ABCA4: variants seen among roughly 807,000 people sequenced by gnomAD.
The protein encoded by ABCA4 is ATP binding cassette subfamily A member 4, also known as retinal-specific phospholipid-transporting ATPase ABCA4.
In ABCA4, 196 loss-of-function variants were observed where a neutral mutation model predicts 263.7. The observed-to-expected ratio is 0.74, with a 90% CI of 0.66 to 0.84. The LOEUF is 0.84. Ranked by LOEUF, ABCA4 falls within the 40% of genes least tolerant of loss-of-function variation. The pLI, the probability that ABCA4 is intolerant of heterozygous loss-of-function variation, is 0.00. For missense variants in ABCA4, 2,792 were observed against 2,855.1 expected, an observed-to-expected ratio of 0.98 and a Z score of 0.50; for synonymous variants, 1,133 against 1,094.2, an observed-to-expected ratio of 1.04 and a Z score of -0.70.
chr1:94,011,439 C>T (rs946469087), intron 38 of ABCA4, 54 bp from the exon 39 acceptor site: 2 of 1,610,580 alleles, frequency 1.2e-6, no homozygotes. Context: ...CCCCCCCTCT[C>T]TTCAGCAGGT....
At chr1:94,002,075 A>T in intron 44 of ABCA4, 83 bp from the exon 45 acceptor site, 1 of 1,597,418 alleles carries the variant, frequency 6.3e-7, no homozygotes, top group Non-Finnish European at 8.6e-7. Context: ...GGGCTCCCAG[A>T]TCTCACGCCT....
chr1:94,110,924 A>G (rs1314974624), intron 3 of ABCA4, among the ~76,000 whole-genome samples: 1 of 152,220 alleles, frequency 6.6e-6, no homozygotes, highest in East Asian at 1.9e-4. Context: ...GGCAATTATA[A>G]CAGAGGATTT....
At chr1:94,007,453 A>T (rs940200206) in intron 43 of ABCA4, among the ~76,000 whole-genome samples, 181 bp downstream of exon 43, 1 of 149,684 alleles carries the variant, frequency 6.7e-6, no homozygotes, top group South Asian at 2.1e-4. Context: ...AATTCAGTTC[A>T]CTTTTCCATT....
chr1:94,079,815 T>G (rs752024867), intron 8 of ABCA4, among the ~76,000 whole-genome samples: 37 of 152,304 alleles, frequency 2.4e-4, no homozygotes, highest in Middle Eastern at 3.4e-3. Context: ...GCTTGGAATC[T>G]CAGCTTGAGC....
intron 1 of ABCA4, among the ~76,000 whole-genome samples, chr1:94,116,569 G>A (rs1441022832): frequency 1.3e-5 from 2 of 152,060 alleles, no homozygotes; most frequent in African/African-American, 2.4e-5. Context: ...GGCGGGGGGC[G>A]GGGGCGGTTG....
At chr1:94,080,761 A>G in intron 7 of ABCA4, 43 bp from the exon 8 acceptor site, 1 of 1,613,826 alleles carries the variant, frequency 6.2e-7, no homozygotes, top group Admixed American at 1.7e-5. Flanking sequence ...AGGCAGCTAG[A>G]GTCATAATCT....
At chr1:94,116,972 T>C (rs1308010888) in intron 1 of ABCA4, among the ~76,000 whole-genome samples, 4 of 76,668 alleles carry the variant, frequency 5.2e-5, no homozygotes, top group African/African-American at 1.9e-4. Flanking sequence ...TTCTTTCTCT[T>C]TCTTTCTTTC....
rs1183504867 is a variant in ABCA4 at position 94,037,354 on chromosome 1, G to A, written c.3608-4C>T. On this transcript the variant is annotated splice_region_variant and splice_polypyrimidine_tract_variant and intron_variant, in intron 24 of 49. Transcript: ENST00000370225. ...TCCATCAGCTCATTTACATCCCCTA[G>A]GACAAGAAAAAAGACTGATGCCAGC... 1 of 1,613,716 alleles carries A rather than the reference G, an allele frequency of 6.2e-7. No homozygotes were observed. The highest frequency in any genetic ancestry group is 1.7e-5 in the Admixed American group (1 of 60,018).
At position 94,080,867 on chromosome 1, in the gene ABCA4, C is replaced by A; in HGVS notation, c.859-149G>T. On this transcript the variant is annotated intron_variant, in intron 7 of 49. Coordinates refer to ENST00000370225, the MANE Select transcript of ABCA4 (RefSeq NM_000350.3). ...CAATCCTTAATCCAGCTGCGAAAAACAAAAAACAAAACCTACTGCCATCTA... is the reference window on the plus strand; with the variant it reads ...CAATCCTTAATCCAGCTGCGAAAAAAAAAAAACAAAACCTACTGCCATCTA... 5.0e-6 allele frequency: 6 copies of A among 1,202,504 alleles called. No individual in the cohort carries two copies. The Admixed American group carries it at 6.5e-5, about 13-fold the overall frequency. 74.5% of individuals were successfully genotyped at this position (1,202,504 alleles called of 1,614,324 possible). A position where few individuals can be genotyped will look rare whatever the true frequency, so the allele number is the denominator to read the frequency against.
At chr1:94,065,140 A>G (rs1179063624) in intron 11 of ABCA4, among the ~76,000 whole-genome samples, 15 of 151,908 alleles carry the variant, frequency 9.9e-5, no homozygotes. Context: ...TCCCTCCCCA[A>G]TTTCACCTTC....
rs539582273 is a variant in ABCA4, at chr1:94,050,941, G to A, written c.2653+692C>T. Among the ~76,000 whole-genome samples the A allele has an allele frequency of 6.3e-4, 96 of 152,314 alleles. 1 individual carries two copies. The highest frequency in any genetic ancestry group is 3.4e-3 in the Middle Eastern group (1 of 294). On this transcript the variant is annotated intron_variant, in intron 17 of 49. Coordinates refer to ENST00000370225, the MANE Select transcript of ABCA4 (RefSeq NM_000350.3). ...TACTTCAGCTCTAGGGGAGTCCCCC[G>A]CTTTCACCCTGGAATTTCTTTGCTT...
At chr1:94,000,714 AC>A in intron 47 of ABCA4, 121 bp downstream of exon 47, 1 of 1,049,332 alleles carries the variant, frequency 9.5e-7, no homozygotes, top group Admixed American at 1.7e-5. Flanking sequence ...AGGCCCAGCC[AC>A]CACCTGCCTC....
chr1:94,062,657 G>A lies in ABCA4; in HGVS notation c.1857C>T (p.Ile619=). 1.9e-6 allele frequency: 3 copies of A among 1,614,188 alleles called. No individual in the cohort carries two copies. Among genetic ancestry groups the A allele is most frequent in the Non-Finnish European group, 2.5e-6 (3 of 1,180,042 alleles). ...AYLQDMVEQG[I]TRSQVQAEAP... ...CCTCCGCCTGCACCTGGCTCCTTGT[G>A]ATCCCCTGTTCAACCATGTCCTGCA... The change falls in exon 13 of 50, where the codon ATC becomes ATT. Residue 619 remains isoleucine (I), a synonymous_variant. Coordinates refer to ENST00000370225, the MANE Select transcript of ABCA4 (RefSeq NM_000350.3).
chr1:94,088,888 A>G (rs1661902282), intron 6 of ABCA4, among the ~76,000 whole-genome samples: 1 of 152,234 alleles, frequency 6.6e-6, no homozygotes, highest in Admixed American at 6.5e-5. Context: ...TCATGTCTCC[A>G]GGGAGGCTGC....
rs1056269972 is a variant in ABCA4 at position 94,021,257 on chromosome 1, C to T, written c.5001G>A (p.Gln1667=). 6.2e-7 allele frequency: 1 copy of T among 1,614,082 alleles called. No individual in the cohort carries two copies. Among genetic ancestry groups the T allele is most frequent in the Non-Finnish European group, 8.5e-7 (1 of 1,180,034 alleles). The stretch of plus-strand genomic sequence containing the variant: ...TGGCTTACACTGTAATCTCTGAGAG[C>T]TGCTCCTTGGTCAGGTTCAGGGGTT... ...ISQPLNLTKE[Q]LSEITVLTTS... Residue 1667 remains glutamine, a synonymous_variant, in exon 35 of 50, where the codon CAG becomes CAA. Coordinates refer to ENST00000370225, the MANE Select transcript of ABCA4 (RefSeq NM_000350.3).
chr1:94,105,490 A>G (rs1388458769), intron 4 of ABCA4, among the ~76,000 whole-genome samples: 1 of 152,166 alleles, frequency 6.6e-6, no homozygotes, highest in Non-Finnish European at 1.5e-5. Flanking sequence ...GAGGAGGCCG[A>G]TACCAGACAG....
At chr1:94,075,501 C>G (rs571507559) in intron 11 of ABCA4, among the ~76,000 whole-genome samples, 2 of 152,298 alleles carry the variant, frequency 1.3e-5, no homozygotes, top group Admixed American at 1.3e-4. Flanking sequence ...GCTGCCACTT[C>G]CAGAGTTTGG....
At chr1:94,089,305 G>A (rs1449115753) in intron 6 of ABCA4, among the ~76,000 whole-genome samples, 1 of 152,168 alleles carries the variant, frequency 6.6e-6, no homozygotes, top group Non-Finnish European at 1.5e-5. Context: ...GGAAAAACCT[G>A]AACTGCAAAC....
rs145783075 is a variant in ABCA4, at chr1:94,012,680, C to T, written c.5461-1295G>A. ...CCAGCCCCTGCAGCCTGGCTCTTCC[C>T]GCTGCCTCTGGCCTGCAGCATGTTA... On this transcript the variant is annotated intron_variant, in intron 38 of 49. Coordinates refer to ENST00000370225, the MANE Select transcript of ABCA4 (RefSeq NM_000350.3). Among the ~76,000 whole-genome samples, 348 of 152,334 alleles carry T rather than the reference C, an allele frequency of 2.3e-3. 2 individuals are homozygous for T. Among genetic ancestry groups the T allele is most frequent in the African/African-American group, 6.9e-3 (285 of 41,570 alleles).
Sources: gnomAD v4.1 joint callset for allele counts (sites outside exome capture counted in the v4.1 genomes callset) on GRCh38, gnomAD v4.1.1 for gene constraint, MANE v1.5 for transcripts, NCBI Gene and HGNC (gene_info 2026-07-23, HGNC 2026-07-21) for gene names.